The following RFX2 variants were observed in gnomAD, a reference collection of about 807,000 sequenced individuals.
The protein encoded by RFX2 is regulatory factor X2.
Under a neutral mutation model 87.8 loss-of-function variants are expected in RFX2, and 20 were observed. The ratio of observed to expected loss-of-function variants is 0.23; its 90% CI spans 0.16 to 0.33. The LOEUF (loss-of-function observed/expected upper bound fraction) is 0.33, where lower values mean the gene tolerates loss of function less well. Ranked by LOEUF, RFX2 falls within the 10% of genes least tolerant of loss-of-function variation. The pLI is 1.00. For synonymous variants in RFX2, 397 were observed against 431.3 expected, an observed-to-expected ratio of 0.92 and a Z score of 0.98; for missense variants, 767 against 1,012.3, an observed-to-expected ratio of 0.76 and a Z score of 3.29.
chr19:6,024,082 T>C lies in RFX2; in HGVS notation c.597+2081A>G, dbSNP rs2086854908. ...GGCGTGAGCCACCGTGCCCAGCCCA[T>C]TTTCCCATAGACATTTTAACTCTCC... On this transcript the variant is annotated intron_variant, in intron 6 of 17. Coordinates refer to ENST00000303657, the MANE Select transcript of RFX2 (RefSeq NM_000635.4). This position sits in a 1 kb window ranked among gnomAD's most constrained non-coding sequence, Gnocchi z 5.0. Among the ~76,000 whole-genome samples, 1 of 152,154 alleles carries C rather than the reference T, an allele frequency of 6.6e-6. No homozygotes were observed. The highest frequency in any genetic ancestry group is 1.5e-5 in the Non-Finnish European group (1 of 68,016).
At position 6,013,514 on chromosome 19, in the gene RFX2, A is replaced by T; in HGVS notation, c.780-409T>A. ...TCTCTCTTTTTTTTTTTTTTCAGAA[A>T]CAGGGTCTCACTCTGTCACCCAGGC... On this transcript the variant is annotated intron_variant, in intron 7 of 17. Transcript: ENST00000303657. This position sits in a 1 kb window ranked among gnomAD's most constrained non-coding sequence, Gnocchi z 4.1. Among the ~76,000 whole-genome samples the T allele has an allele frequency of 6.7e-6, 1 of 149,908 alleles. No individual in the cohort carries two copies. The highest frequency in any genetic ancestry group is 1.5e-5 in the Non-Finnish European group (1 of 67,544).
Position 6,001,271 on chromosome 19 carries a change from T to TC in RFX2, c.1859+543dup, listed in dbSNP as rs1318636002. Among the ~76,000 whole-genome samples, 3 of 152,092 alleles carry TC rather than the reference T, an allele frequency of 2.0e-5. No homozygotes were observed. Among genetic ancestry groups the TC allele is most frequent in the Admixed American group, 1.3e-4 (2 of 15,268 alleles). On this transcript the variant is annotated intron_variant, in intron 15 of 17. Coordinates refer to ENST00000303657, the MANE Select transcript of RFX2 (RefSeq NM_000635.4). The surrounding 1 kb of genome is among the most constrained non-coding windows in gnomAD (Gnocchi z 5.6). ...CCCTTCAGTTCTGAGATAGCTTTGT[T>TC]CCCCCCTTAGAGATGGGGTCTTGCT...
At chr19:6,067,152 A>G (rs1248307541) in intron 1 of RFX2, among the ~76,000 whole-genome samples, 2 of 152,218 alleles carry the variant, frequency 1.3e-5, no homozygotes, top group Non-Finnish European at 2.9e-5. Flanking sequence ...TTTCTCCAAG[A>G]GGAAAGAATC....
rs1462987168 is a variant in RFX2 at position 6,083,203 on chromosome 19, G to A, written c.-9+27190C>T. Among the ~76,000 whole-genome samples, 3 of 152,110 alleles carry A rather than the reference G, an allele frequency of 2.0e-5. No homozygotes were observed. Among genetic ancestry groups the A allele is most frequent in the Admixed American group, 6.5e-5 (1 of 15,284 alleles). On this transcript the variant is annotated intron_variant, in intron 1 of 17. Transcript: ENST00000303657. This position sits in a 1 kb window ranked among gnomAD's most constrained non-coding sequence, Gnocchi z 4.6. The stretch of plus-strand genomic sequence containing the variant: ...ATTACAGGCATGAGCCACTGTGCCC[G>A]GCCTTCATCATGAAATTTTTTGGCA...
intron 3 of RFX2, 93 bp from the exon 4 acceptor site, chr19:6,042,216 T>C (rs935887412): frequency 3.6e-6 from 4 of 1,110,974 alleles, no homozygotes; most frequent in African/African-American, 3.1e-5. Context: ...ATTGCCTTTA[T>C]GAACATTTAG....
intron 1 of RFX2, among the ~76,000 whole-genome samples, chr19:6,100,038 T>C (rs1356785503): frequency 6.6e-6 from 1 of 152,132 alleles, no homozygotes; most frequent in Non-Finnish European, 1.5e-5. Flanking sequence ...GAGACTCAGC[T>C]CTAGTTTATA....
At chr19:6,087,146 TG>T (rs778564037) in intron 1 of RFX2, among the ~76,000 whole-genome samples, 28 of 152,240 alleles carry the variant, frequency 1.8e-4, no homozygotes, top group South Asian at 4.1e-4. Flanking sequence ...CACAGGCAGA[TG>T]GTCGCAGCGG....
Position 6,001,037 on chromosome 19 carries a change from T to C in RFX2, c.1859+778A>G, listed in dbSNP as rs2053863913. ...ATCCCTCTGGAAGCCTTGGCTCCCC[T>C]GCCCTGGTCTGCACAGGTTAGGTCT... On this transcript the variant is annotated intron_variant, in intron 15 of 17. Transcript: ENST00000303657. The surrounding 1 kb of genome is among the most constrained non-coding windows in gnomAD (Gnocchi z 5.6). Among the ~76,000 whole-genome samples, 1 of 152,232 alleles carries C rather than the reference T, an allele frequency of 6.6e-6. No homozygotes were observed. Among genetic ancestry groups the C allele is most frequent in the South Asian group, 2.1e-4 (1 of 4,834 alleles).
Position 6,044,254 on chromosome 19 carries a change from T to C in RFX2, c.119A>G (p.Asn40Ser), listed in dbSNP as rs2087154485. ...CGGCTGCATCTGGGCCCCTTTGGGA[T>C]TGGAGCTGGCTGCCTGGACCAACAC... Reference protein sequence around the residue: ...QRVLVQAASSNPKGAQMQPIS... With the variant: ...QRVLVQAASSSPKGAQMQPIS... Residue 40 changes from asparagine (N) to serine (S), a missense_variant, in exon 3 of 18, where the codon AAT becomes AGT. Physicochemically the swap from Asn to Ser is conservative, Grantham distance 46 (BLOSUM62 1). This residue lies in a region of RFX2 where 146 missense variants were observed against 139.2 expected (regional missense o/e 1.05). Coordinates refer to ENST00000303657, the MANE Select transcript of RFX2 (RefSeq NM_000635.4). The surrounding 1 kb of genome is among the most constrained non-coding windows in gnomAD (Gnocchi z 5.3). The C allele has an allele frequency of 1.9e-6, 3 of 1,571,650 alleles. No individual in the cohort carries two copies. Among genetic ancestry groups the C allele is most frequent in the Admixed American group, 1.9e-5 (1 of 53,558 alleles).
At chr19:6,082,436 T>C (rs1425553575) in intron 1 of RFX2, among the ~76,000 whole-genome samples, 1 of 152,042 alleles carries the variant, frequency 6.6e-6, no homozygotes, top group African/African-American at 2.4e-5. Context: ...GTTGGAAAGT[T>C]TTCTTTTTTT....
At chr19:6,059,597 C>T (rs958841050) in intron 1 of RFX2, among the ~76,000 whole-genome samples, 17 of 152,146 alleles carry the variant, frequency 1.1e-4, no homozygotes, top group Admixed American at 2.6e-4. Context: ...AGAGGCCGAG[C>T]AGCAGCTGGT....
intron 6 of RFX2, among the ~76,000 whole-genome samples, chr19:6,025,768 A>G (rs1599863287): frequency 6.8e-6 from 1 of 146,320 alleles, no homozygotes. Context: ...TAAAGGTGTC[A>G]TTTTATTGTC....
At chr19:6,034,460 C>T (rs1185624936) in intron 5 of RFX2, among the ~76,000 whole-genome samples, 1 of 152,110 alleles carries the variant, frequency 6.6e-6, no homozygotes, top group East Asian at 1.9e-4. Context: ...ATCTCTTGAC[C>T]TTGTGATCCA....
At chr19:6,075,390 G>A (rs2087677603) in intron 1 of RFX2, among the ~76,000 whole-genome samples, 2 of 152,138 alleles carry the variant, frequency 1.3e-5, no homozygotes, top group Non-Finnish European at 1.5e-5. Context: ...TAGGGCACAG[G>A]GACACAATCT....
Position 6,002,346 on chromosome 19 carries a change from C to T in RFX2, c.1651-323G>A, listed in dbSNP as rs570315444. ...TGCGTTTATTTATTTAATGGATAGACGCAGGGCCTGAAATAAGCATAGCTC... is the reference window on the plus strand; with the variant it reads ...TGCGTTTATTTATTTAATGGATAGATGCAGGGCCTGAAATAAGCATAGCTC... On this transcript the variant is annotated intron_variant, in intron 14 of 17. Coordinates refer to ENST00000303657, the MANE Select transcript of RFX2 (RefSeq NM_000635.4). This position sits in a 1 kb window ranked among gnomAD's most constrained non-coding sequence, Gnocchi z 6.7. Among the ~76,000 whole-genome samples the T allele has an allele frequency of 1.3e-5, 2 of 152,226 alleles. No individual in the cohort carries two copies. The highest frequency in any genetic ancestry group is 2.9e-5 in the Non-Finnish European group (2 of 68,048).
chr19:6,071,858 G>T (rs916584066), intron 1 of RFX2: 3 of 152,140 alleles, frequency 2.0e-5, no homozygotes, highest in African/African-American at 7.2e-5. Flanking sequence ...ATGTAAAAAG[G>T]CACCTTAAAA....
At chr19:6,097,943 A>G (rs2088053492) in intron 1 of RFX2, among the ~76,000 whole-genome samples, 1 of 151,702 alleles carries the variant, frequency 6.6e-6, no homozygotes, top group African/African-American at 2.4e-5. Flanking sequence ...AAGTCTGGCT[A>G]CTCCTTACTG....
intron 1 of RFX2, among the ~76,000 whole-genome samples, chr19:6,052,229 A>T (rs1349758142): frequency 6.6e-6 from 1 of 152,098 alleles, no homozygotes; most frequent in Non-Finnish European, 1.5e-5. Context: ...GACAAAATAG[A>T]CTCTGAGATG....
chr19:6,075,458 C>T (rs1463949642), intron 1 of RFX2, among the ~76,000 whole-genome samples: 1 of 152,160 alleles, frequency 6.6e-6, no homozygotes, highest in African/African-American at 2.4e-5. Flanking sequence ...GCTGGACAAC[C>T]AGGTCAGAGG....
Sources: allele counts gnomAD v4.1 joint callset (sites outside exome capture counted in the v4.1 genomes callset), GRCh38; gene constraint gnomAD v4.1.1; regional missense constraint gnomAD v4.1.1; non-coding constraint Gnocchi (gnomAD v3.1); transcripts MANE v1.5; gene names NCBI Gene and HGNC (gene_info 2026-07-23, HGNC 2026-07-21).